TSC22D2: variants seen among roughly 807,000 people sequenced by gnomAD.
TSC22D2 encodes TSC22 domain family protein 2.
A neutral mutation model predicts 50.1 loss-of-function variants in TSC22D2; 5 were observed. The observed-to-expected ratio is 0.10, with a 90% confidence interval of 0.05 to 0.21. TSC22D2 has a LOEUF of 0.21. Among genes scored for constraint, TSC22D2 ranks in the 10% least tolerant of loss-of-function variants. TSC22D2 has a pLI of 1.00. For synonymous variants in TSC22D2, 501 were observed against 450.1 expected (o/e 1.11, Z -1.43); for missense variants, 1,003 against 1,015.5 (o/e 0.99, Z 0.17).
intron 1 of TSC22D2, among the ~76,000 whole-genome samples, chr3:150,448,063 C>T (rs1720937381): frequency 6.6e-6 from 1 of 152,160 alleles, no homozygotes; most frequent in Non-Finnish European, 1.5e-5. Flanking sequence ...GAAAATGCCA[C>T]CCTCCTCATA....
At chr3:150,435,404 A>G (rs1381176536) in intron 1 of TSC22D2, among the ~76,000 whole-genome samples, 10 of 152,174 alleles carry the variant, frequency 6.6e-5, no homozygotes, top group Non-Finnish European at 1.5e-5. Context: ...TTTTCAATAT[A>G]TATAACCTAT....
intron 1 of TSC22D2, among the ~76,000 whole-genome samples, chr3:150,436,627 A>G (rs1560087178): frequency 6.6e-6 from 1 of 152,224 alleles, no homozygotes; most frequent in African/African-American, 2.4e-5. Flanking sequence ...TGAAATGACC[A>G]CAACTTTAAA....
intron 1 of TSC22D2, 169 bp from the exon 2 acceptor site, chr3:150,456,907 C>A: frequency 3.2e-6 from 2 of 615,890 alleles, no homozygotes; most frequent in Non-Finnish European, 5.6e-6. Flanking sequence ...CTGAGACTTT[C>A]ATTTTAGAAA....
Position 150,462,699 on chromosome 3 carries a change from T to C in TSC22D2, c.*4063T>C, listed in dbSNP as rs1314371115. The stretch of plus-strand genomic sequence containing the variant: ...CTCAGGCTGGAGTGCAGTGGCAAGA[T>C]CTCGGCTCACTGCAACCTCCGCCTC... On this transcript the variant is annotated 3_prime_UTR_variant, in exon 3 of 3. Coordinates refer to ENST00000688009, the MANE Select transcript of TSC22D2 (RefSeq NM_001303264.2). 2 of 147,126 alleles carry C rather than the reference T, an allele frequency of 1.4e-5. No individual in the cohort carries two copies. Among genetic ancestry groups the C allele is most frequent in the African/African-American group, 5.0e-5 (2 of 39,854 alleles). The allele number at this position is 147,126 out of a possible 1,614,324, so 9.1% of individuals were successfully genotyped here.
rs192882368 is a variant in TSC22D2, at chr3:150,453,280, G to T, written c.1959-3796G>T. On this transcript the variant is annotated intron_variant, in intron 1 of 2. Coordinates refer to ENST00000688009, the MANE Select transcript of TSC22D2 (RefSeq NM_001303264.2). ...TATAGTATTATAACATTAGGTGAAG[G>T]AAGGAAATTATTGATTCTGCTTCAG... Among the ~76,000 whole-genome samples, 6 of 152,292 alleles carry T rather than the reference G, an allele frequency of 3.9e-5. No homozygotes were observed. In the East Asian group the frequency reaches 9.6e-4, roughly 24 times the overall value.
intron 1 of TSC22D2, among the ~76,000 whole-genome samples, chr3:150,424,932 A>T (rs900360297): frequency 6.6e-6 from 1 of 152,204 alleles, no homozygotes; most frequent in Non-Finnish European, 1.5e-5. Context: ...TTCCATTGAG[A>T]GGAGCAATCA....
rs868017388 is a variant in TSC22D2, at chr3:150,417,699, G to A, written c.1958+6391G>A. Among the ~76,000 whole-genome samples, 98 of 152,040 alleles carry A rather than the reference G, an allele frequency of 6.4e-4. 1 individual carries two copies. The highest frequency in any genetic ancestry group is 4.3e-3 in the Admixed American group (65 of 15,264). ...CTGTAACATAATATATGTGGCAAAC[G>A]TGTATCACAGAAATGTTAATATTTC... is the stretch of plus-strand genomic sequence containing the variant. On this transcript the variant is annotated intron_variant, in intron 1 of 2. Coordinates refer to ENST00000688009, the MANE Select transcript of TSC22D2 (RefSeq NM_001303264.2).
chr3:150,433,093 G>C (rs1720430332), intron 1 of TSC22D2, among the ~76,000 whole-genome samples: 1 of 152,160 alleles, frequency 6.6e-6, no homozygotes, highest in South Asian at 2.1e-4. Context: ...ATTTAAATAA[G>C]TGATAATAAT....
chr3:150,457,567 G>A (rs1721227658), intron 2 of TSC22D2, among the ~76,000 whole-genome samples: 1 of 152,070 alleles, frequency 6.6e-6, no homozygotes. Flanking sequence ...GAGGTGGGAG[G>A]ATCACTTGAG....
intron 1 of TSC22D2, among the ~76,000 whole-genome samples, chr3:150,436,782 T>C (rs535652579): frequency 1.6e-4 from 24 of 152,308 alleles, no homozygotes; most frequent in African/African-American, 5.8e-4. Flanking sequence ...AAAGATTATA[T>C]TGGAAAAATT....
intron 1 of TSC22D2, among the ~76,000 whole-genome samples, chr3:150,414,741 GAAGTTT>G (rs1380704141): frequency 6.6e-6 from 1 of 151,590 alleles, no homozygotes; most frequent in Non-Finnish European, 1.5e-5. Flanking sequence ...TTTTTTACTT[GAAGTTT>G]AAGTGAGAGG....
chr3:150,411,625 C>T (rs1057082584), intron 1 of TSC22D2, among the ~76,000 whole-genome samples: 1 of 151,956 alleles, frequency 6.6e-6, no homozygotes, highest in Non-Finnish European at 1.5e-5. Flanking sequence ...TAGAATTGTC[C>T]TTTTCTTACA....
chr3:150,446,592 A>C (rs1720897511), intron 1 of TSC22D2, among the ~76,000 whole-genome samples: 1 of 152,232 alleles, frequency 6.6e-6, no homozygotes, highest in Non-Finnish European at 1.5e-5. Context: ...TTGATTTATT[A>C]AAAATAAAGA....
chr3:150,460,169 G>C lies in TSC22D2; in HGVS notation c.*1533G>C, dbSNP rs1721352557. ...ATTTGACTAGATTTGTATTTTCACA[G>C]TTCAAAATACTCCTTAAAGACCTGT... On this transcript the variant is annotated 3_prime_UTR_variant, in exon 3 of 3. Coordinates refer to ENST00000688009, the MANE Select transcript of TSC22D2 (RefSeq NM_001303264.2). The C allele has an allele frequency of 6.6e-6, 1 of 152,084 alleles. No homozygotes were observed. Among genetic ancestry groups the C allele is most frequent in the Non-Finnish European group, 1.5e-5 (1 of 67,994 alleles). 9.4% of individuals were successfully genotyped at this position (152,084 alleles called of 1,614,324 possible).
At chr3:150,443,959 T>C (rs1252641880) in intron 1 of TSC22D2, among the ~76,000 whole-genome samples, 1 of 152,208 alleles carries the variant, frequency 6.6e-6, no homozygotes, top group Non-Finnish European at 1.5e-5. Context: ...GATCAGTATA[T>C]GGAGTTACCA....
At chr3:150,415,215 G>C (rs1196583156) in intron 1 of TSC22D2, among the ~76,000 whole-genome samples, 2 of 152,100 alleles carry the variant, frequency 1.3e-5, no homozygotes, top group East Asian at 3.9e-4. Context: ...TAAACCATGA[G>C]CTATATCTGT....
At chr3:150,447,465 T>C (rs1037245245) in intron 1 of TSC22D2, among the ~76,000 whole-genome samples, 1 of 152,202 alleles carries the variant, frequency 6.6e-6, no homozygotes, top group Admixed American at 6.5e-5. Context: ...TCCAGCAGCC[T>C]TCTCTCTATA....
At chr3:150,436,398 G>T (rs1720546008) in intron 1 of TSC22D2, among the ~76,000 whole-genome samples, 1 of 152,028 alleles carries the variant, frequency 6.6e-6, no homozygotes, top group Non-Finnish European at 1.5e-5. Context: ...AGGTCAAGCA[G>T]TCGGCCCTTT....
intron 1 of TSC22D2, among the ~76,000 whole-genome samples, chr3:150,430,918 A>G (rs1002964672): frequency 6.6e-6 from 1 of 152,160 alleles, no homozygotes; most frequent in African/African-American, 2.4e-5. Context: ...AATAATTTCA[A>G]ATTTACAGAA....
Sources: allele counts gnomAD v4.1 joint callset (sites outside exome capture counted in the v4.1 genomes callset), GRCh38; gene constraint gnomAD v4.1.1; transcripts MANE v1.5; gene names NCBI Gene and HGNC (gene_info 2026-07-23, HGNC 2026-07-21).